Variants in SEMA5B observed in about 807,000 individuals in gnomAD.
SEMA5B encodes the protein semaphorin 5B.
SEMA5B carries 66 observed loss-of-function variants against 135.0 expected under a neutral mutation model. The ratio of observed to expected loss-of-function variants is 0.49; its 90% confidence interval spans 0.40 to 0.60. The LOEUF (loss-of-function observed/expected upper bound fraction) is 0.60. Among genes scored for constraint, SEMA5B ranks in the 20% least tolerant of loss-of-function variants. The pLI is 0.00. For missense variants in SEMA5B, 1,501 were observed against 1,566.3 expected, an observed-to-expected ratio of 0.96 and a Z score of 0.70; for synonymous variants, 690 against 639.5, an observed-to-expected ratio of 1.08 and a Z score of -1.19.
At chr3:122,953,987 A>G (rs1172142773) in intron 2 of SEMA5B, among the ~76,000 whole-genome samples, 5 of 152,248 alleles carry the variant, frequency 3.3e-5, no homozygotes. Context: ...TGAACCCCCA[A>G]GGTCAAGTCA....
rs1372550338 is a variant in SEMA5B, at chr3:122,947,922, G to T, written c.328+584C>A. On this transcript the variant is annotated intron_variant, in intron 3 of 22. Transcript: ENST00000357599. ...TTTTGTTTTTTTTTAGCAAGTATTAGAATGTATATACTAATTTTAGAAACT... is the reference window on the plus strand; with the variant it reads ...TTTTGTTTTTTTTTAGCAAGTATTATAATGTATATACTAATTTTAGAAACT... 1.3e-5 allele frequency among the ~76,000 whole-genome samples: 2 copies of T among 152,020 alleles called. 1 individual carries two copies. The highest frequency in any genetic ancestry group is 4.8e-5 in the African/African-American group (2 of 41,382).
intron 3 of SEMA5B, among the ~76,000 whole-genome samples, chr3:122,943,856 C>A (rs970349205): frequency 6.6e-6 from 1 of 152,220 alleles, no homozygotes; most frequent in Admixed American, 6.5e-5. Context: ...CCTGCCTGTT[C>A]TACCTCTACA....
intron 1 of SEMA5B, chr3:122,992,926 G>A (rs1425337321): frequency 6.7e-6 from 1 of 149,676 alleles, no homozygotes; most frequent in Non-Finnish European, 1.5e-5. Flanking sequence ...TGCCCCCAGC[G>A]ACAGAAGTCA....
intron 2 of SEMA5B, among the ~76,000 whole-genome samples, chr3:122,953,360 T>G (rs1329965287): frequency 2.6e-5 from 4 of 152,176 alleles, no homozygotes. Flanking sequence ...TAGGAGCATA[T>G]CCTGGGCCTC....
intron 1 of SEMA5B, 95 bp from the exon 2 acceptor site, chr3:122,961,396 A>G (rs1940574202): frequency 9.2e-7 from 1 of 1,083,020 alleles, no homozygotes; most frequent in Non-Finnish European, 1.3e-6. Flanking sequence ...CAGGGACCAC[A>G]TGGTTGCTGC....
intron 1 of SEMA5B, among the ~76,000 whole-genome samples, chr3:123,026,504 T>C (rs962401206): frequency 1.3e-5 from 2 of 152,016 alleles, no homozygotes; most frequent in African/African-American, 4.8e-5. Flanking sequence ...TCCTCCTCCT[T>C]GTTTAAAGTT....
Position 122,938,100 on chromosome 3 carries a change from G to A in SEMA5B, c.474+1325C>T, listed in dbSNP as rs139969801. On this transcript the variant is annotated intron_variant, in intron 5 of 22. Coordinates refer to ENST00000357599, the MANE Select transcript of SEMA5B (RefSeq NM_001031702.4). ...CCAGCCCAGATCCCAGGAATATGCT[G>A]CACAGCCCCTCAAGGGAATCGTATG... Among the ~76,000 whole-genome samples, 434 of 152,314 alleles carry A rather than the reference G, an allele frequency of 2.8e-3. 2 individuals carry two copies. The highest frequency in any genetic ancestry group is 8.7e-3 in the African/African-American group (363 of 41,554).
At chr3:122,977,800 T>A (rs887229680) in intron 1 of SEMA5B, among the ~76,000 whole-genome samples, 3 of 152,248 alleles carry the variant, frequency 2.0e-5, no homozygotes, top group Non-Finnish European at 4.4e-5. Flanking sequence ...ACCCCAGAGA[T>A]TCTGATGCAC....
At chr3:122,916,526 CT>C (rs1349084664) in intron 12 of SEMA5B, among the ~76,000 whole-genome samples, 3 of 152,180 alleles carry the variant, frequency 2.0e-5, no homozygotes, top group African/African-American at 7.2e-5. Flanking sequence ...ACTATACAAC[CT>C]TTTCATTGTA....
intron 6 of SEMA5B, 48 bp from the exon 7 acceptor site, chr3:122,928,663 T>TATCCA: frequency 1.5e-6 from 2 of 1,355,188 alleles, no homozygotes; most frequent in Non-Finnish European, 1.0e-6. Flanking sequence ...CCAGGTGCGA[T>TATCCA]GCTGGATATC....
At chr3:122,924,010 C>T (rs114640371) in intron 9 of SEMA5B, among the ~76,000 whole-genome samples, 167 of 152,136 alleles carry the variant, frequency 1.1e-3, no homozygotes, top group Middle Eastern at 3.4e-3. Flanking sequence ...TATTCGGGGG[C>T]GCTGAAATAC....
At position 122,935,953 on chromosome 3, in the gene SEMA5B, A is replaced by G. The variant is rs536020923; in HGVS notation, c.474+3472T>C. On this transcript the variant is annotated intron_variant, in intron 5 of 22. Transcript: ENST00000357599. Reference sequence around the variant, plus strand: ...GGTGATCCGCCTGCCTTGGGCTCCCAAAGTGCTGGGAATACAGGAGTGAGC... The same window carrying G: ...GGTGATCCGCCTGCCTTGGGCTCCCGAAGTGCTGGGAATACAGGAGTGAGC... 9.9e-5 allele frequency among the ~76,000 whole-genome samples: 15 copies of G among 152,204 alleles called. No individual in the cohort carries two copies. The East Asian group carries it at 2.5e-3, about 26-fold the overall frequency.
At chr3:122,949,913 T>C (rs1280407952) in intron 2 of SEMA5B, among the ~76,000 whole-genome samples, 1 of 152,172 alleles carries the variant, frequency 6.6e-6, no homozygotes, top group Admixed American at 6.5e-5. Flanking sequence ...CTCCCCAAAT[T>C]ATCCTTTAAA....
intron 1 of SEMA5B, among the ~76,000 whole-genome samples, chr3:122,999,603 C>A (rs764903303): frequency 1.3e-5 from 2 of 152,014 alleles, no homozygotes; most frequent in African/African-American, 4.8e-5. Flanking sequence ...CAGCTGTAAC[C>A]ACAAATGAGC....
At chr3:122,922,163 C>A in intron 11 of SEMA5B, 41 bp from the exon 12 acceptor site, 1 of 1,556,250 alleles carries the variant, frequency 6.4e-7, no homozygotes, top group South Asian at 1.2e-5. Context: ...GCCTTGAAGG[C>A]CCCGGAAGCT....
At chr3:122,919,405 T>C (rs1938241083) in intron 12 of SEMA5B, among the ~76,000 whole-genome samples, 1 of 152,186 alleles carries the variant, frequency 6.6e-6, no homozygotes, top group South Asian at 2.1e-4. Context: ...GATCTCTCTC[T>C]GGCCAGGCCA....
intron 1 of SEMA5B, among the ~76,000 whole-genome samples, chr3:122,966,688 G>A (rs1940849979): frequency 6.7e-6 from 1 of 150,208 alleles, no homozygotes; most frequent in African/African-American, 2.4e-5. Context: ...CCAAGTAGCT[G>A]GGACTACAGG....
chr3:122,915,039 T>C (rs6762864), intron 14 of SEMA5B, among the ~76,000 whole-genome samples: 8,411 of 152,202 alleles, frequency 0.055, 709 homozygotes, highest in African/African-American at 0.19. Flanking sequence ...AAGAGAAGCT[T>C]AGAGTGGTTA....
chr3:123,015,503 T>G (rs1942536547), intron 1 of SEMA5B, among the ~76,000 whole-genome samples: 1 of 152,102 alleles, frequency 6.6e-6, no homozygotes. Context: ...GTGGGAGATC[T>G]TCAGAGTCCT....
Sources: gnomAD v4.1 joint callset for allele counts (sites outside exome capture counted in the v4.1 genomes callset) on GRCh38, gnomAD v4.1.1 for gene constraint, MANE v1.5 for transcripts, NCBI Gene and HGNC (gene_info 2026-07-23, HGNC 2026-07-21) for gene names.